NRXN1: variants seen among roughly 807,000 people sequenced by gnomAD.
NRXN1 encodes neurexin-1.
Under a neutral mutation model 150.9 loss-of-function variants are expected in NRXN1, and 39 were observed. The ratio of observed to expected loss-of-function variants is 0.26; its 90% confidence interval spans 0.20 to 0.34. The LOEUF (loss-of-function observed/expected upper bound fraction) is 0.34. Ranked by LOEUF, NRXN1 falls within the 10% of genes least tolerant of loss-of-function variation. The probability of loss-of-function intolerance (pLI) is 1.00; values close to 1 mark genes in which losing one functional copy is unlikely to be tolerated. For synonymous variants in NRXN1, 924 were observed against 757.0 expected (o/e 1.22, Z -3.62); for missense variants, 1,815 against 1,949.9 (o/e 0.93, Z 1.30).
At chr2:50,973,433 C>A (rs1445919213) in intron 2 of NRXN1, among the ~76,000 whole-genome samples, 1 of 152,084 alleles carries the variant, frequency 6.6e-6, no homozygotes, top group Non-Finnish European at 1.5e-5. Flanking sequence ...TTAAAGATAT[C>A]TCAGATTAAT....
At chr2:50,547,443 A>G (rs1311653288) in intron 9 of NRXN1, 2 of 152,168 alleles carry the variant, frequency 1.3e-5, no homozygotes, top group Non-Finnish European at 1.5e-5. Context: ...TCCTAATTGT[A>G]GCTCCATTCA....
chr2:50,083,757 A>G (rs993220989), intron 19 of NRXN1, among the ~76,000 whole-genome samples: 3 of 152,114 alleles, frequency 2.0e-5, no homozygotes, highest in African/African-American at 4.8e-5. Flanking sequence ...TACGTTTACA[A>G]TCCCTGAGCT....
intron 17 of NRXN1, among the ~76,000 whole-genome samples, chr2:50,249,005 T>A (rs1016331603): frequency 2.5e-4 from 38 of 149,754 alleles, no homozygotes; most frequent in Non-Finnish European, 4.3e-4. Flanking sequence ...TTTTTTTTTT[T>A]AATTAGCTGG....
rs796523467 is a variant in NRXN1, at chr2:50,347,300, G to T, written c.3365-110330C>A. 50 of 1,274,062 alleles carry T rather than the reference G, an allele frequency of 3.9e-5. 1 individual carries two copies. The African/African-American group carries it at 5.5e-4, about 14-fold the overall frequency. 78.9% of individuals were successfully genotyped at this position (1,274,062 alleles called of 1,614,324 possible). On this transcript the variant is annotated intron_variant, in intron 17 of 22. Transcript: ENST00000401669. This position sits in a 1 kb window ranked among gnomAD's most constrained non-coding sequence, Gnocchi z 4.9. ...CCCAAAGAGTTTCGGGCGAGAGTGC[G>T]TGCCGGCGGGTGGGGGGCCGAGAAA...
At chr2:50,021,878 T>A (rs1687624870) in intron 21 of NRXN1, among the ~76,000 whole-genome samples, 1 of 152,040 alleles carries the variant, frequency 6.6e-6, no homozygotes, top group Non-Finnish European at 1.5e-5. Flanking sequence ...AGAGATGGAG[T>A]CTCGTTCTGT....
chr2:50,102,614 T>G (rs1434347542), intron 18 of NRXN1, among the ~76,000 whole-genome samples: 2 of 152,044 alleles, frequency 1.3e-5, no homozygotes, highest in Non-Finnish European at 2.9e-5. Context: ...CTGTAGCATA[T>G]ACAGCATGCT....
chr2:50,021,597 A>G (rs909325814), intron 21 of NRXN1, among the ~76,000 whole-genome samples: 7 of 152,216 alleles, frequency 4.6e-5, no homozygotes, highest in African/African-American at 1.7e-4. Flanking sequence ...ATTAACCCTT[A>G]TTAGCCATAC....
intron 5 of NRXN1, among the ~76,000 whole-genome samples, chr2:50,783,880 C>T (rs763077617): frequency 4.4e-4 from 67 of 151,978 alleles, no homozygotes; most frequent in Non-Finnish European, 8.2e-4. Context: ...GATAGTAAAC[C>T]GTGTCTTCTC....
At chr2:50,315,502 T>C (rs904234009) in intron 17 of NRXN1, among the ~76,000 whole-genome samples, 2 of 152,090 alleles carry the variant, frequency 1.3e-5, no homozygotes, top group African/African-American at 2.4e-5. Flanking sequence ...ACAAAACAAA[T>C]GTGCAATATT....
At chr2:50,758,531 C>A (rs146714590) in intron 5 of NRXN1, among the ~76,000 whole-genome samples, 51 of 151,950 alleles carry the variant, frequency 3.4e-4, no homozygotes, top group African/African-American at 1.2e-3. Context: ...TGGACTTAAA[C>A]TCCTGGGCTC....
At chr2:50,416,785 C>A (rs1293939306) in intron 17 of NRXN1, among the ~76,000 whole-genome samples, 1 of 152,044 alleles carries the variant, frequency 6.6e-6, no homozygotes, top group African/African-American at 2.4e-5. Flanking sequence ...CTATCAGTGG[C>A]ATGGGGGTTA....
intron 17 of NRXN1, among the ~76,000 whole-genome samples, chr2:50,309,358 G>T (rs1427735960): frequency 6.6e-6 from 1 of 152,038 alleles, no homozygotes; most frequent in Non-Finnish European, 1.5e-5. Flanking sequence ...GGCTTCCATT[G>T]GTATCTCTGA....
chr2:50,911,537 C>T (rs1287620084), intron 5 of NRXN1, among the ~76,000 whole-genome samples: 4 of 151,926 alleles, frequency 2.6e-5, no homozygotes, highest in African/African-American at 9.7e-5. Context: ...GTACATACAA[C>T]ATATTCTTGT....
chr2:50,414,303 T>C (rs2083388698), intron 17 of NRXN1, among the ~76,000 whole-genome samples: 1 of 152,068 alleles, frequency 6.6e-6, no homozygotes, highest in African/African-American at 2.4e-5. Context: ...GCCATAAATA[T>C]ATACACCTGC....
intron 5 of NRXN1, among the ~76,000 whole-genome samples, chr2:50,874,992 C>A (rs569374694): frequency 1.3e-5 from 2 of 151,818 alleles, no homozygotes; most frequent in African/African-American, 2.4e-5. Context: ...GTTGTCCATA[C>A]ACAAAAGTGG....
intron 21 of NRXN1, among the ~76,000 whole-genome samples, chr2:49,984,189 A>C (rs1680509730): frequency 6.6e-6 from 1 of 152,142 alleles, no homozygotes; most frequent in Non-Finnish European, 1.5e-5. Flanking sequence ...AAAAAAAATC[A>C]GAAAAAGCAA....
At chr2:50,026,838 ATTGT>A (rs543909259) in intron 21 of NRXN1, among the ~76,000 whole-genome samples, 193 of 104,130 alleles carry the variant, frequency 1.9e-3, no homozygotes, top group African/African-American at 7.2e-3. Flanking sequence ...ACTCACTTGC[ATTGT>A]TTAAGTCTTT....
chr2:50,026,150 C>T (rs1209492982), intron 21 of NRXN1, among the ~76,000 whole-genome samples: 3 of 152,168 alleles, frequency 2.0e-5, no homozygotes, highest in Non-Finnish European at 4.4e-5. Context: ...GCAGCAAACT[C>T]ATGTTTCTAC....
At chr2:51,000,491 T>C (rs1199933845) in intron 2 of NRXN1, among the ~76,000 whole-genome samples, 2 of 151,908 alleles carry the variant, frequency 1.3e-5, no homozygotes, top group Non-Finnish European at 2.9e-5. Flanking sequence ...TTTGAAATAA[T>C]GGATTATTTC....
Sources: allele counts gnomAD v4.1 joint callset (sites outside exome capture counted in the v4.1 genomes callset), GRCh38; gene constraint gnomAD v4.1.1; non-coding constraint Gnocchi (gnomAD v3.1); transcripts MANE v1.5; gene names NCBI Gene and HGNC (gene_info 2026-07-23, HGNC 2026-07-21).